XPO5: variants seen among roughly 807,000 people sequenced by gnomAD.
XPO5 encodes the protein exportin 5, also known as exportin-5.
A neutral mutation model predicts 160.6 loss-of-function variants in XPO5; 46 were observed. The observed-to-expected ratio is 0.29, with a 90% confidence interval of 0.23 to 0.37. The LOEUF (loss-of-function observed/expected upper bound fraction) is 0.37, where lower values mean the gene tolerates loss of function less well. XPO5 is among the 10% of genes least tolerant of loss of function. XPO5 has a pLI of 1.00. For synonymous variants in XPO5, 537 were observed against 519.3 expected, an observed-to-expected ratio of 1.03 and a Z score of -0.46; for missense variants, 1,090 against 1,463.9, an observed-to-expected ratio of 0.74 and a Z score of 4.17.
At chr6:43,538,942 G>A (rs868723847) in intron 20 of XPO5, 11 of 1,330,158 alleles carry the variant, frequency 8.3e-6, no homozygotes, top group Admixed American at 1.7e-5. Context: ...CCTTCCAGAG[G>A]TCGGGGGTCA....
At chr6:43,566,149 T>C (rs1039956662) in intron 7 of XPO5, among the ~76,000 whole-genome samples, 32 of 152,092 alleles carry the variant, frequency 2.1e-4, no homozygotes, top group African/African-American at 7.5e-4. Context: ...TCCTAGCACT[T>C]TGGGAGGTCA....
In XPO5 at chr6:43,524,642, T is replaced by A; in HGVS notation, c.3313-7A>T. On this transcript the variant is annotated splice_region_variant and splice_polypyrimidine_tract_variant and intron_variant, in intron 30 of 31. Coordinates refer to ENST00000265351, the MANE Select transcript of XPO5 (RefSeq NM_020750.3). ...TCTCCAGGTACCTGGGGCGCTGATATCAGCAGGGATAAACTTACTGGATGT... is the reference window on the plus strand; with the variant it reads ...TCTCCAGGTACCTGGGGCGCTGATAACAGCAGGGATAAACTTACTGGATGT... 6.2e-7 allele frequency: 1 copy of A among 1,613,268 alleles called. No homozygotes were observed. Among genetic ancestry groups the A allele is most frequent in the Non-Finnish European group, 8.5e-7 (1 of 1,179,436 alleles).
In XPO5 at chr6:43,534,069, T is replaced by C. The variant is rs1043101675; in HGVS notation, c.2343-62A>G. 8.2e-6 allele frequency: 11 copies of C among 1,344,472 alleles called. No individual in the cohort carries two copies. In the African/African-American group the frequency reaches 1.6e-4, roughly 20 times the overall value. 83.3% of individuals were successfully genotyped at this position (1,344,472 alleles called of 1,614,324 possible). On this transcript the variant is annotated intron_variant, in intron 20 of 31. Coordinates refer to ENST00000265351, the MANE Select transcript of XPO5 (RefSeq NM_020750.3). ...TGATGCAGAAGGAAAGAGTGGGTTT[T>C]GCTTGTAATCCAGTGATACTACAGT...
At chr6:43,539,694 C>A in intron 20 of XPO5, 1 of 766,542 alleles carries the variant, frequency 1.3e-6, no homozygotes, top group South Asian at 1.7e-5. Context: ...GCACCGGCGT[C>A]ATCCGCCATT....
chr6:43,525,991 AGCGC>A (rs1481347083), intron 27 of XPO5, 70 bp from the exon 28 acceptor site: 2 of 1,568,924 alleles, frequency 1.3e-6, no homozygotes, highest in Non-Finnish European at 8.7e-7. Flanking sequence ...TTCTGACAGA[AGCGC>A]AAAAAACAAA....
At chr6:43,540,233 T>C (rs190724857) in intron 20 of XPO5, among the ~76,000 whole-genome samples, 119 of 152,270 alleles carry the variant, frequency 7.8e-4, no homozygotes, top group Non-Finnish European at 1.5e-3. Context: ...CTACTGAAGA[T>C]ACAAAATTAG....
intron 20 of XPO5, among the ~76,000 whole-genome samples, chr6:43,538,139 CTTTTTTTTTT>C (rs1160662301): frequency 5.9e-4 from 29 of 48,938 alleles, no homozygotes; most frequent in South Asian, 1.3e-3. Flanking sequence ...TAAGAGACAT[CTTTTTTTTTT>C]TTTTTTTTTT....
chr6:43,566,078 G>A (rs190452840), intron 7 of XPO5, among the ~76,000 whole-genome samples: 9 of 152,108 alleles, frequency 5.9e-5, no homozygotes, highest in Middle Eastern at 3.4e-3. Flanking sequence ...TCAACATGGT[G>A]AAACCCTGTC....
At chr6:43,573,337 G>C (rs59195086) in intron 2 of XPO5, 143 bp downstream of exon 2, 1 of 1,094,668 alleles carries the variant, frequency 9.1e-7, no homozygotes, top group Non-Finnish European at 1.3e-6. Flanking sequence ...GCTCCTGTGA[G>C]GTTCTGATAA....
Position 43,522,674 on chromosome 6 carries a change from A to T in XPO5, c.*1194T>A, listed in dbSNP as rs1236568928. ...CTGCCTGTGGCCCGCACCAGCTAAA[A>T]ACTGTAGCTTCAGTCCACTTCGGCT... On this transcript the variant is annotated 3_prime_UTR_variant, in exon 32 of 32. Transcript: ENST00000265351. The T allele has an allele frequency of 1.2e-5, 6 of 481,516 alleles. No homozygotes were observed. In the Admixed American group the frequency reaches 1.2e-4, roughly 10 times the overall value. The allele number at this position is 481,516 out of a possible 1,614,324, so 29.8% of individuals were successfully genotyped here.
At chr6:43,540,627 T>C (rs985805230) in intron 20 of XPO5, among the ~76,000 whole-genome samples, 19 of 152,150 alleles carry the variant, frequency 1.2e-4, no homozygotes, top group Admixed American at 3.9e-4. Flanking sequence ...CATGCCAGCC[T>C]GGGCAACAAG....
intron 20 of XPO5, among the ~76,000 whole-genome samples, chr6:43,538,601 T>A (rs538096108): frequency 6.6e-6 from 1 of 152,320 alleles, no homozygotes; most frequent in South Asian, 2.1e-4. Flanking sequence ...GAAATGTGGT[T>A]ATATTAAAAG....
At chr6:43,571,914 G>GAAAAT (rs146136891) in intron 3 of XPO5, among the ~76,000 whole-genome samples, 4,972 of 152,166 alleles carry the variant, frequency 0.033, 257 homozygotes, top group African/African-American at 0.11. Context: ...TGGAATAAAA[G>GAAAAT]AAAATAGTGT....
intron 20 of XPO5, among the ~76,000 whole-genome samples, chr6:43,537,111 T>A (rs1278087371): frequency 6.6e-6 from 1 of 151,592 alleles, no homozygotes; most frequent in Non-Finnish European, 1.5e-5. Flanking sequence ...GGACTATAAG[T>A]GTGCACCACC....
rs556316429 is a variant in XPO5 at position 43,537,432 on chromosome 6, C to T, written c.2343-3425G>A. ...CTGGTATGAGGTCAGTTTTCTAGAC[C>T]AGAGGTCACATTCATACATGTTTTA... On this transcript the variant is annotated intron_variant, in intron 20 of 31. Coordinates refer to ENST00000265351, the MANE Select transcript of XPO5 (RefSeq NM_020750.3). 3.3e-5 allele frequency among the ~76,000 whole-genome samples: 5 copies of T among 152,074 alleles called. No individual in the cohort carries two copies. In the South Asian group the frequency reaches 1.0e-3, roughly 32 times the overall value.
intron 1 of XPO5, 141 bp downstream of exon 1, chr6:43,575,619 G>T: frequency 1.5e-6 from 1 of 688,456 alleles, no homozygotes. Context: ...GGAGGGCCGC[G>T]AGGGGAAGGT....
intron 27 of XPO5, 189 bp from the exon 28 acceptor site, chr6:43,526,110 AAGCTGTACATGAGGGAAATGGG>A (rs1253686744): frequency 1.7e-6 from 1 of 593,888 alleles, no homozygotes; most frequent in Admixed American, 3.1e-5. Context: ...AGATGCACTC[AAGCTGTACATGAGGGAAATGGG>A]AGCTTCTAGG....
At chr6:43,563,588 C>G (rs1762525303) in intron 8 of XPO5, among the ~76,000 whole-genome samples, 2 of 152,158 alleles carry the variant, frequency 1.3e-5, no homozygotes, top group Non-Finnish European at 2.9e-5. Flanking sequence ...CACAAACTTA[C>G]ACAACAGGAA....
chr6:43,563,689 C>A (rs564946703), intron 8 of XPO5, among the ~76,000 whole-genome samples: 4 of 152,222 alleles, frequency 2.6e-5, no homozygotes, highest in African/African-American at 7.2e-5. Flanking sequence ...ATACTGCAGG[C>A]AACTGTAACA....
Sources: gnomAD v4.1 joint callset for allele counts (sites outside exome capture counted in the v4.1 genomes callset) on GRCh38, gnomAD v4.1.1 for gene constraint, MANE v1.5 for transcripts, NCBI Gene and HGNC (gene_info 2026-07-23, HGNC 2026-07-21) for gene names.